The following CFAP44 variants were observed in gnomAD, a reference collection of about 807,000 sequenced individuals.
CFAP44 encodes the protein cilia and flagella associated protein 44, also known as cilia- and flagella-associated protein 44.
Under a neutral mutation model 216.2 loss-of-function variants are expected in CFAP44, and 134 were observed. The ratio of observed to expected loss-of-function variants is 0.62; its 90% CI spans 0.54 to 0.72. The LOEUF (loss-of-function observed/expected upper bound fraction) is 0.72, where lower values mean the gene tolerates loss of function less well. CFAP44 is among the 30% of genes least tolerant of loss of function. The pLI, the probability that CFAP44 is intolerant of heterozygous loss-of-function variation, is 0.00. For missense variants in CFAP44, 2,035 were observed against 2,182.1 expected (o/e 0.93, Z 1.34); for synonymous variants, 700 against 727.6 (o/e 0.96, Z 0.61).
At position 113,330,572 on chromosome 3, in the gene CFAP44, G is replaced by A. The variant is rs1176991717; in HGVS notation, c.3712C>T (p.Leu1238=). ...TGAAGAGTCGACTGAATGTTCTTCA[G>A]TTCTTGTACCAGGCACTGTATTTCC... The part of the protein sequence containing the change: ...VEEIQCLVQE[L]KNIQSTLHIS... The change falls in exon 26 of 35, where the codon CTG becomes TTG. Residue 1238 remains leucine, a synonymous_variant. Coordinates refer to ENST00000393845, the MANE Select transcript of CFAP44 (RefSeq NM_001164496.2). 6.5e-7 allele frequency: 1 copy of A among 1,537,154 alleles called. No individual in the cohort carries two copies. The highest frequency in any genetic ancestry group is 8.7e-7 in the Non-Finnish European group (1 of 1,146,852).
intron 9 of CFAP44, 61 bp downstream of exon 9, chr3:113,403,791 C>T: frequency 6.5e-7 from 1 of 1,533,108 alleles, no homozygotes; most frequent in South Asian, 1.3e-5. Flanking sequence ...AAATAAAACC[C>T]TTTGGGTGAG....
chr3:113,419,983 T>C (rs1184791701), intron 5 of CFAP44, 34 bp downstream of exon 5: 2 of 1,602,898 alleles, frequency 1.2e-6, no homozygotes, highest in Non-Finnish European at 1.7e-6. Flanking sequence ...GATAGGGTTT[T>C]TTGGGGTTTT....
intron 18 of CFAP44, among the ~76,000 whole-genome samples, chr3:113,368,118 T>C (rs1312662287): frequency 6.6e-6 from 1 of 152,226 alleles, no homozygotes; most frequent in Admixed American, 6.5e-5. Context: ...ATTTGATTGG[T>C]GTACCTGAAA....
chr3:113,407,685 A>ATTACTAACATT (rs1231906360), intron 7 of CFAP44, among the ~76,000 whole-genome samples: 1 of 152,228 alleles, frequency 6.6e-6, no homozygotes, highest in African/African-American at 2.4e-5. Flanking sequence ...AATAAATGTT[A>ATTACTAACATT]TTACTAACAT....
At position 113,286,968 on chromosome 3, in the gene CFAP44, T is replaced by C. The variant is rs1449001612; in HGVS notation, c.*4589A>G. 1 of 1,049,316 alleles carries C rather than the reference T, an allele frequency of 9.5e-7. No homozygotes were observed. Among genetic ancestry groups the C allele is most frequent in the Non-Finnish European group, 1.4e-6 (1 of 722,734 alleles). 65.0% of individuals were successfully genotyped at this position (1,049,316 alleles called of 1,614,324 possible). A position where few individuals can be genotyped will look rare whatever the true frequency, so the allele number is the denominator to read the frequency against. ...GGTATTTATTTTTCTATTATAGCCATATTTATATATTTATGCACTTGTAAA... is the reference window on the plus strand; with the variant it reads ...GGTATTTATTTTTCTATTATAGCCACATTTATATATTTATGCACTTGTAAA... On this transcript the variant is annotated 3_prime_UTR_variant, in exon 35 of 35. Transcript: ENST00000393845.
rs747787988 is a variant in CFAP44, at chr3:113,373,520, A to G, written c.2335T>C (p.Phe779Leu). 19 of 1,601,060 alleles carry G rather than the reference A, an allele frequency of 1.2e-5. No individual in the cohort carries two copies. In the East Asian group the frequency reaches 1.8e-4, roughly 15 times the overall value. Reference sequence around the variant, plus strand: ...TCACTGCTTTCATCACAAGGGGGGAACTCACAGTGATATAGAAAACCAGAA... The same window carrying G: ...TCACTGCTTTCATCACAAGGGGGGAGCTCACAGTGATATAGAAAACCAGAA... ...YDSGFLYHCE[F>L]PPCDESSDFK... is the part of the protein sequence containing the mutation. The change falls in exon 18 of 35, where the codon TTC (phenylalanine) becomes CTC (leucine). Residue 779 changes from phenylalanine to leucine, a missense_variant. By Grantham distance (22) the Phe-to-Leu change is conservative. Around this residue, in one of 3 missense-constraint regions of CFAP44, gnomAD observed 1,883 missense variants for 2,023.7 expected, o/e 0.93. Coordinates refer to ENST00000393845, the MANE Select transcript of CFAP44 (RefSeq NM_001164496.2).
chr3:113,302,128 AT>A (rs1341696841), intron 32 of CFAP44, among the ~76,000 whole-genome samples: 1 of 152,136 alleles, frequency 6.6e-6, no homozygotes, highest in African/African-American at 2.4e-5. Flanking sequence ...GCTGAATAGT[AT>A]TTCATTGTGT....
intron 8 of CFAP44, among the ~76,000 whole-genome samples, chr3:113,405,278 T>C (rs1456584349): frequency 1.3e-5 from 2 of 152,344 alleles, no homozygotes; most frequent in Admixed American, 1.3e-4. Context: ...TTTAGACTTA[T>C]TTTCTTCTGT....
intron 24 of CFAP44, among the ~76,000 whole-genome samples, chr3:113,335,585 C>G (rs888117651): frequency 6.6e-6 from 1 of 152,144 alleles, no homozygotes; most frequent in Non-Finnish European, 1.5e-5. Flanking sequence ...ACAAATAATT[C>G]TCATAGTTTA....
intron 18 of CFAP44, among the ~76,000 whole-genome samples, chr3:113,373,028 G>T (rs1027504283): frequency 2.6e-5 from 4 of 152,170 alleles, no homozygotes; most frequent in Non-Finnish European, 5.9e-5. Context: ...ATATTGGGTC[G>T]TCAGAAGAAT....
chr3:113,327,319 C>T (rs188744957), intron 27 of CFAP44, among the ~76,000 whole-genome samples: 49 of 152,138 alleles, frequency 3.2e-4, no homozygotes, highest in Admixed American at 2.4e-3. Context: ...TTAGGGAACC[C>T]AACTCACCAG....
chr3:113,302,782 A>G (rs1378679791), intron 32 of CFAP44, among the ~76,000 whole-genome samples: 1 of 150,904 alleles, frequency 6.6e-6, no homozygotes, highest in African/African-American at 2.4e-5. Context: ...CAAAAAAAAA[A>G]AAAAAAAAAG....
intron 17 of CFAP44, among the ~76,000 whole-genome samples, chr3:113,376,317 A>C (rs1457820930): frequency 6.6e-6 from 1 of 152,208 alleles, no homozygotes; most frequent in Non-Finnish European, 1.5e-5. Context: ...TGAGGTGCCA[A>C]GGAGCATTGT....
chr3:113,420,046 T>C lies in CFAP44; in HGVS notation c.541A>G (p.Ser181Gly), dbSNP rs756160740. Residue 181 changes from serine to glycine, a missense_variant, in exon 5 of 35, where the codon AGC becomes GGC. Coordinates refer to ENST00000393845, the MANE Select transcript of CFAP44 (RefSeq NM_001164496.2). ...ATGACGCCAATTCCTTCACCACTGCTACTTCGCAGGTAGATCTGTTCCTTG... is the reference window on the plus strand; with the variant it reads ...ATGACGCCAATTCCTTCACCACTGCCACTTCGCAGGTAGATCTGTTCCTTG... ...KTKEQIYLRS[S>G]SGEGIGVIGV... 8.5e-5 allele frequency: 137 copies of C among 1,613,844 alleles called. No individual in the cohort carries two copies. The highest frequency in any genetic ancestry group is 1.1e-4 in the Non-Finnish European group (133 of 1,179,936).
At chr3:113,313,960 A>C (rs542926187) in intron 28 of CFAP44, among the ~76,000 whole-genome samples, 1 of 152,260 alleles carries the variant, frequency 6.6e-6, no homozygotes, top group Non-Finnish European at 1.5e-5. Context: ...AGGAGACAGA[A>C]GAGAATCAAT....
At chr3:113,363,056 T>A in intron 21 of CFAP44, 89 bp downstream of exon 21, 3 of 1,409,168 alleles carry the variant, frequency 2.1e-6, no homozygotes. Flanking sequence ...GAAAGATGAT[T>A]TTAAGTGTTT....
chr3:113,326,679 T>C (rs763888039), intron 27 of CFAP44, 39 bp from the exon 28 acceptor site: 26 of 1,313,098 alleles, frequency 2.0e-5, no homozygotes, highest in Non-Finnish European at 2.3e-5. Context: ...TAAATATTTC[T>C]GATAAACCAA....
At chr3:113,310,890 A>T (rs948304701) in intron 28 of CFAP44, among the ~76,000 whole-genome samples, 1 of 152,190 alleles carries the variant, frequency 6.6e-6, no homozygotes, top group Non-Finnish European at 1.5e-5. Context: ...TTGGCTTCTG[A>T]TGTGAGTTAA....
At chr3:113,428,555 T>C (rs556790499) in intron 2 of CFAP44, among the ~76,000 whole-genome samples, 7 of 152,362 alleles carry the variant, frequency 4.6e-5, no homozygotes, top group African/African-American at 1.7e-4. Context: ...GGAAGACTTA[T>C]GGTTTGAAGA....
Sources: gnomAD v4.1 joint callset for allele counts (sites outside exome capture counted in the v4.1 genomes callset) on GRCh38, gnomAD v4.1.1 for gene constraint, gnomAD v4.1.1 regional missense constraint, MANE v1.5 for transcripts, NCBI Gene and HGNC (gene_info 2026-07-23, HGNC 2026-07-21) for gene names.